The following PSMG2 variants were observed in gnomAD, a reference collection of about 807,000 sequenced individuals.
PSMG2 encodes CD40 ligand-activated specific transcript 3.
PSMG2 carries 21 observed loss-of-function variants against 31.5 expected under a neutral mutation model. That is an observed-to-expected ratio of 0.67 (90% CI 0.47 to 0.96). The LOEUF (loss-of-function observed/expected upper bound fraction) is 0.96, where lower values mean the gene tolerates loss of function less well. PSMG2 is among the 40% of genes least tolerant of loss of function. The probability of loss-of-function intolerance (pLI) is 0.00; values close to 1 mark genes in which losing one functional copy is unlikely to be tolerated. For synonymous variants in PSMG2, 120 were observed against 110.4 expected (o/e 1.09, Z -0.54); for missense variants, 318 against 321.2 (o/e 0.99, Z 0.08).
At chr18:12,672,589 G>C (rs1316753044) in intron 1 of PSMG2, 27 of 899,584 alleles carry the variant, frequency 3.0e-5, no homozygotes, top group Non-Finnish European at 3.5e-5. Context: ...TAGAATCCAT[G>C]AAGAGGCTAA....
chr18:12,720,715 A>G, intron 5 of PSMG2, 32 bp downstream of exon 5: 1 of 1,586,006 alleles, frequency 6.3e-7, no homozygotes, highest in South Asian at 1.1e-5. Context: ...TTTGTTTCCC[A>G]CTTTACTTAA....
chr18:12,659,738 G>A (rs1598598151), intron 1 of PSMG2, among the ~76,000 whole-genome samples: 2 of 152,120 alleles, frequency 1.3e-5, no homozygotes, highest in Admixed American at 6.5e-5. Context: ...ATTTCAGTAC[G>A]AGAGAGACAA....
At chr18:12,661,556 G>A (rs2038695367) in intron 1 of PSMG2, among the ~76,000 whole-genome samples, 1 of 152,126 alleles carries the variant, frequency 6.6e-6, no homozygotes, top group Non-Finnish European at 1.5e-5. Context: ...CAGATCGCTT[G>A]AGGCCATGAG....
chr18:12,724,813 C>A (rs2040460540), intron 6 of PSMG2, 194 bp downstream of exon 6: 2 of 537,714 alleles, frequency 3.7e-6, no homozygotes, highest in Admixed American at 4.3e-5. Context: ...ACAGTTTTTT[C>A]ATTAAAGCTG....
chr18:12,680,726 C>T (rs374605689), intron 1 of PSMG2: 231 of 1,613,706 alleles, frequency 1.4e-4, no homozygotes, highest in Non-Finnish European at 1.8e-4. Context: ...ATAACCCATG[C>T]ATGAGGTACT....
upstream of PSMG2, chr18:12,700,955 C>G: frequency 1.2e-6 from 2 of 1,610,076 alleles, no homozygotes; most frequent in Non-Finnish European, 1.7e-6. Context: ...AAAGATTACT[C>G]ACAGTAACAA....
At chr18:12,709,867 C>G (rs895782012) in intron 2 of PSMG2, among the ~76,000 whole-genome samples, 3 of 150,414 alleles carry the variant, frequency 2.0e-5, no homozygotes, top group Admixed American at 6.6e-5. Context: ...AACTCCTGAC[C>G]TCAGGCAGTT....
intron 3 of PSMG2, among the ~76,000 whole-genome samples, chr18:12,717,109 GTAA>G (rs1411106074): frequency 2.0e-5 from 3 of 150,588 alleles, no homozygotes; most frequent in Admixed American, 1.3e-4. Context: ...ACTACCATGT[GTAA>G]TAATTTTTTT....
chr18:12,718,420 A>G (rs865834448), intron 3 of PSMG2, 97 bp from the exon 4 acceptor site: 4 of 577,964 alleles, frequency 6.9e-6, no homozygotes, highest in Admixed American at 3.2e-5. Flanking sequence ...ATTATATATC[A>G]TTATCACATA....
upstream of PSMG2, chr18:12,702,549 G>T: frequency 6.3e-7 from 1 of 1,592,038 alleles, no homozygotes. Context: ...GCAGCGACAT[G>T]CTGGCAGCCG....
At chr18:12,688,338 C>CTACTAT (rs1390975528) in intron 1 of PSMG2, among the ~76,000 whole-genome samples, 1 of 151,124 alleles carries the variant, frequency 6.6e-6, no homozygotes, top group Non-Finnish European at 1.5e-5. Flanking sequence ...CAATGAATTA[C>CTACTAT]TACTATACTA....
At chr18:12,714,121 G>A (rs1297473851) in intron 3 of PSMG2, among the ~76,000 whole-genome samples, 1 of 152,148 alleles carries the variant, frequency 6.6e-6, no homozygotes, top group Non-Finnish European at 1.5e-5. Context: ...CCCTTACTGT[G>A]GCCTATGAGG....
intron 2 of PSMG2, among the ~76,000 whole-genome samples, chr18:12,708,208 T>G (rs921278806): frequency 6.6e-6 from 1 of 152,124 alleles, no homozygotes; most frequent in African/African-American, 2.4e-5. Flanking sequence ...CCTGGGAGGT[T>G]GTGGCTACAG....
intron 1 of PSMG2, among the ~76,000 whole-genome samples, chr18:12,706,207 G>A (rs757208465): frequency 1.3e-5 from 2 of 152,174 alleles, no homozygotes; most frequent in Non-Finnish European, 2.9e-5. Flanking sequence ...GTTGGCTCAC[G>A]CCTGTAATCC....
chr18:12,671,744 G>A (rs1347442281), intron 1 of PSMG2, among the ~76,000 whole-genome samples: 2 of 147,684 alleles, frequency 1.4e-5, no homozygotes, highest in Admixed American at 7.0e-5. Context: ...GGACTCAAGC[G>A]ATCCTTCCGC....
intron 1 of PSMG2, among the ~76,000 whole-genome samples, chr18:12,696,487 G>A (rs1412029928): frequency 6.6e-6 from 1 of 151,014 alleles, no homozygotes; most frequent in Non-Finnish European, 1.5e-5. Flanking sequence ...TGGTGACAGA[G>A]CGAGACTCCA....
chr18:12,714,849 C>T (rs547418186), intron 3 of PSMG2, among the ~76,000 whole-genome samples: 1 of 151,318 alleles, frequency 6.6e-6, no homozygotes, highest in Admixed American at 6.6e-5. Context: ...GGATTACGAA[C>T]GTGTGCCATT....
Position 12,697,205 on chromosome 18 carries a change from A to G in PSMG2, c.-36-9345A>G, listed in dbSNP as rs746265066. Reference sequence around the variant, plus strand: ...TGTGGCTATAAAAAGGTTAACAATGATATATTAATCACCATACCTACACCC... The same window carrying G: ...TGTGGCTATAAAAAGGTTAACAATGGTATATTAATCACCATACCTACACCC... On this transcript the variant is annotated intron_variant, in intron 1 of 6. Transcript: ENST00000585331. The G allele has an allele frequency of 3.9e-6, 6 of 1,536,354 alleles. No homozygotes were observed. In the South Asian group the frequency reaches 7.2e-5, roughly 19 times the overall value.
At chr18:12,720,737 A>G in intron 5 of PSMG2, 54 bp downstream of exon 5, 1 of 1,547,282 alleles carries the variant, frequency 6.5e-7, no homozygotes, top group African/African-American at 1.4e-5. Context: ...AATGAAATTA[A>G]TGCAGTGAGC....
Sources: allele counts gnomAD v4.1 joint callset (sites outside exome capture counted in the v4.1 genomes callset), GRCh38; gene constraint gnomAD v4.1.1; transcripts MANE v1.5; gene names NCBI Gene and HGNC (gene_info 2026-07-23, HGNC 2026-07-21).